The following WDR49 variants were observed in gnomAD, a reference collection of about 807,000 sequenced individuals.
WDR49 encodes cilia- and flagella-associated protein 337.
In WDR49, 107 loss-of-function variants were observed where a neutral mutation model predicts 119.5. That is an observed-to-expected ratio of 0.90 (90% confidence interval 0.77 to 1.05). The LOEUF is 1.05. Among genes scored for constraint, WDR49 ranks in the 50% least tolerant of loss-of-function variants. The pLI, the probability that WDR49 is intolerant of heterozygous loss-of-function variation, is 0.00. For synonymous variants in WDR49, 425 were observed against 418.8 expected (o/e 1.01, Z -0.18); for missense variants, 1,240 against 1,220.5 (o/e 1.02, Z -0.24).
intron 18 of WDR49, among the ~76,000 whole-genome samples, chr3:167,485,131 G>A (rs760599251): frequency 1.3e-5 from 2 of 152,032 alleles, no homozygotes; most frequent in Non-Finnish European, 1.5e-5. Context: ...CTCATAAGTC[G>A]GAGTTGAACA....
intron 8 of WDR49, among the ~76,000 whole-genome samples, chr3:167,563,894 T>C (rs969673972): frequency 2.0e-5 from 3 of 152,220 alleles, no homozygotes; most frequent in African/African-American, 4.8e-5. Flanking sequence ...GCAGCTATTA[T>C]ATGTTAGCCA....
intron 16 of WDR49, among the ~76,000 whole-genome samples, chr3:167,518,767 T>C (rs1752316017): frequency 6.6e-6 from 1 of 151,240 alleles, no homozygotes; most frequent in Non-Finnish European, 1.5e-5. Flanking sequence ...CTTTGGCTTT[T>C]GTTGCCAAAT....
chr3:167,563,302 C>T (rs1460568914), intron 8 of WDR49, among the ~76,000 whole-genome samples: 1 of 133,346 alleles, frequency 7.5e-6, no homozygotes, highest in South Asian at 2.3e-4. Flanking sequence ...TGCAGTGAGC[C>T]AAGATAGCGC....
At chr3:167,511,943 G>T (rs1221737772) in intron 16 of WDR49, among the ~76,000 whole-genome samples, 1 of 152,146 alleles carries the variant, frequency 6.6e-6, no homozygotes, top group Non-Finnish European at 1.5e-5. Context: ...GGGTTTATAG[G>T]CAGAACTCTG....
rs938193522 is a variant in WDR49, at chr3:167,504,353, C to T, written c.2884+954G>A. ...GCAGCCCACCCCTGGTGCCACTGTG[C>T]CCTGGATGTGCGCATGGAATCAAAG... On this transcript the variant is annotated intron_variant, in intron 17 of 18. Transcript: ENST00000682715. Among the ~76,000 whole-genome samples, 6 of 152,154 alleles carry T rather than the reference C, an allele frequency of 3.9e-5. 1 individual carries two copies. The highest frequency in any genetic ancestry group is 7.3e-5 in the Non-Finnish European group (5 of 68,032).
chr3:167,490,353 A>C (rs1259933181), intron 18 of WDR49, among the ~76,000 whole-genome samples: 2 of 152,130 alleles, frequency 1.3e-5, no homozygotes, highest in African/African-American at 2.4e-5. Flanking sequence ...GTAAATAAAA[A>C]TGTAGAGCAA....
intron 5 of WDR49, among the ~76,000 whole-genome samples, chr3:167,609,811 G>A (rs1716257099): frequency 6.6e-6 from 1 of 152,124 alleles, no homozygotes; most frequent in African/African-American, 2.4e-5. Context: ...GAGAGGAGAG[G>A]GAAGAGTGGG....
chr3:167,545,502 T>TTATATATATATATATATATATA (rs1712125409), intron 10 of WDR49, among the ~76,000 whole-genome samples: 1 of 98,634 alleles, frequency 1.0e-5, no homozygotes, highest in Non-Finnish European at 2.3e-5. Context: ...ATATTATATA[T>TTATATATATATATATATATATA]TATATATTAT....
In WDR49 at chr3:167,478,992, C is replaced by A. The variant is rs1303387432; in HGVS notation, c.3036G>T (p.Leu1012Phe). The A allele has an allele frequency of 1.3e-6, 2 of 1,588,514 alleles. No individual in the cohort carries two copies. Among genetic ancestry groups the A allele is most frequent in the African/African-American group, 1.4e-5 (1 of 73,772 alleles). Residue 1012 changes from leucine (L) to phenylalanine (F), a missense_variant, in exon 19 of 19, where the codon TTG (leucine) becomes TTT (phenylalanine). Leu to Phe is a conservative substitution (Grantham distance 22, BLOSUM62 0). Coordinates refer to ENST00000682715, the MANE Select transcript of WDR49 (RefSeq NM_001366157.1). ...GGTTTTTCTCATCAAATACAGCTTT[C>A]AAAGCTACAAAATGATGAGGAAAAT... Reference protein sequence around the residue: ...ILEAPSLFKTLKAVFDEKNLF... With the variant: ...ILEAPSLFKTFKAVFDEKNLF...
In WDR49 at chr3:167,594,148, T is replaced by C. The variant is rs114394191; in HGVS notation, c.1275+7979A>G. Among the ~76,000 whole-genome samples the C allele has an allele frequency of 3.3e-3, 510 of 152,262 alleles. 4 individuals are homozygous for C. The highest frequency in any genetic ancestry group is 0.012 in the African/African-American group (480 of 41,560). On this transcript the variant is annotated intron_variant, in intron 7 of 18. Coordinates refer to ENST00000682715, the MANE Select transcript of WDR49 (RefSeq NM_001366157.1). Reference sequence around the variant, plus strand: ...GGAAAGTGGAGTGCTGCTATAAAGATACCTGGAAATGTGGAAGCAACATTG... The same window carrying C: ...GGAAAGTGGAGTGCTGCTATAAAGACACCTGGAAATGTGGAAGCAACATTG...
rs752088531 is a variant in WDR49, at chr3:167,621,532, C to T, written c.718G>A (p.Asp240Asn). The change falls in exon 4 of 19, where the codon GAT (aspartate) becomes AAT (asparagine). Residue 240 changes from aspartate to asparagine, a missense_variant. Transcript: ENST00000682715. ...QGLKGTPICM[D>N]YWYDPLDANE... ...GCATCAAGAGGATCATACCAATAAT[C>T]CATGCAAATTGGTGTTCCTTTCAGG... is the stretch of plus-strand genomic sequence containing the variant. The T allele has an allele frequency of 8.5e-6, 13 of 1,535,544 alleles. No homozygotes were observed. The South Asian group carries it at 1.5e-4, about 18-fold the overall frequency.
intron 5 of WDR49, among the ~76,000 whole-genome samples, chr3:167,611,112 C>A (rs1019649354): frequency 9.2e-5 from 14 of 152,028 alleles, no homozygotes; most frequent in African/African-American, 2.9e-4. Flanking sequence ...AATGATGAAC[C>A]AATCAATACT....
intron 5 of WDR49, among the ~76,000 whole-genome samples, chr3:167,608,844 GAA>G (rs56877633): frequency 1.3e-5 from 2 of 151,130 alleles, no homozygotes; most frequent in African/African-American, 4.9e-5. Flanking sequence ...ACATTATAGA[GAA>G]AAAAAACAAC....
intron 2 of WDR49, among the ~76,000 whole-genome samples, chr3:167,636,503 A>C (rs905885878): frequency 6.6e-6 from 1 of 151,708 alleles, no homozygotes; most frequent in African/African-American, 2.4e-5. Flanking sequence ...CTCTGGGTAG[A>C]TATCCAGTAG....
At chr3:167,587,069 T>C (rs1714857350) in intron 7 of WDR49, among the ~76,000 whole-genome samples, 1 of 152,170 alleles carries the variant, frequency 6.6e-6, no homozygotes, top group Admixed American at 6.5e-5. Context: ...ATGAATCCTA[T>C]CATTTAGTTG....
intron 8 of WDR49, among the ~76,000 whole-genome samples, chr3:167,572,094 A>T (rs1384496749): frequency 6.6e-6 from 1 of 152,210 alleles, no homozygotes; most frequent in Non-Finnish European, 1.5e-5. Context: ...TCATTTAAGA[A>T]CTAAGTGCAA....
intron 18 of WDR49, among the ~76,000 whole-genome samples, chr3:167,492,158 TTAAG>T (rs1751164574): frequency 6.6e-6 from 1 of 151,940 alleles, no homozygotes; most frequent in South Asian, 2.1e-4. Context: ...TTTTTTTTTT[TTAAG>T]TGTTATTTTA....
Position 167,653,456 on chromosome 3 carries a change from A to G in WDR49, c.-31T>C, listed in dbSNP as rs1480088126. 4.1e-6 allele frequency: 6 copies of G among 1,458,024 alleles called. No individual in the cohort carries two copies. In the South Asian group the frequency reaches 7.1e-5, roughly 17 times the overall value. 90.3% of individuals were successfully genotyped at this position (1,458,024 alleles called of 1,614,324 possible). ...CTTCACCTTTTCTCAGTTGCCTTCA[A>G]CTATTTCTATAAGGATGGATCTTCT... On this transcript the variant is annotated 5_prime_UTR_variant, in exon 2 of 19. Transcript: ENST00000682715.
At chr3:167,563,170 C>G (rs1348498791) in intron 8 of WDR49, among the ~76,000 whole-genome samples, 1 of 151,968 alleles carries the variant, frequency 6.6e-6, no homozygotes, top group East Asian at 1.9e-4. Context: ...ATAGCGACCA[C>G]GGTGAAACCC....
Sources: gnomAD v4.1 joint callset for allele counts (sites outside exome capture counted in the v4.1 genomes callset) on GRCh38, gnomAD v4.1.1 for gene constraint, MANE v1.5 for transcripts, NCBI Gene and HGNC (gene_info 2026-07-23, HGNC 2026-07-21) for gene names.